CUZD1: variants seen among roughly 807,000 people sequenced by gnomAD.
CUZD1 encodes the protein CUB and zona pellucida like domains 1.
Under a neutral mutation model 53.1 loss-of-function variants are expected in CUZD1, and 42 were observed. That is an observed-to-expected ratio of 0.79 (90% CI 0.62 to 1.02). CUZD1 has a LOEUF of 1.02. CUZD1 is among the 50% of genes least tolerant of loss of function. The pLI, the probability that CUZD1 is intolerant of heterozygous loss-of-function variation, is 0.00. For synonymous variants in CUZD1, 238 were observed against 257.2 expected, an observed-to-expected ratio of 0.93 and a Z score of 0.71; for missense variants, 670 against 715.7, an observed-to-expected ratio of 0.94 and a Z score of 0.73.
In CUZD1 at chr10:122,837,083, C is replaced by T. The variant is rs1847265660; in HGVS notation, c.600-35G>A. On this transcript the variant is annotated intron_variant, in intron 4 of 8. Coordinates refer to ENST00000392790, the MANE Select transcript of CUZD1 (RefSeq NM_022034.6). ...GAGGGCCTCTGGTGAAAAAGAGTTT[C>T]AAACCAATTCAATTCTATTTTCTAA... 22 of 1,398,622 alleles carry T rather than the reference C, an allele frequency of 1.6e-5. No individual in the cohort carries two copies. In the South Asian group the frequency reaches 2.0e-4, roughly 13 times the overall value. The allele number at this position is 1,398,622 out of a possible 1,614,324, so 86.6% of individuals were successfully genotyped here.
rs751150335 is a variant in CUZD1, at chr10:122,845,791, A to C, written c.53T>G (p.Leu18Trp). The change falls in exon 1 of 9, where the codon TTG becomes TGG. Residue 18 changes from leucine to tryptophan, a missense_variant. Leu to Trp is a moderately conservative substitution (Grantham distance 61, BLOSUM62 -2). Coordinates refer to ENST00000392790, the MANE Select transcript of CUZD1 (RefSeq NM_022034.6). ...AGCCTCCGCCATTGTCAGCTCCGCCAAACAGGAGAGAATTAAGAGGGTCAA... is the reference window on the plus strand; with the variant it reads ...AGCCTCCGCCATTGTCAGCTCCGCCCAACAGGAGAGAATTAAGAGGGTCAA... ...MPLTLLILSC[L>W]AELTMAEAEG... The C allele has an allele frequency of 5.0e-6, 8 of 1,614,094 alleles. No individual in the cohort carries two copies. In the Admixed American group the frequency reaches 8.3e-5, roughly 17 times the overall value.
chr10:122,833,089 ACTT>A (rs1336461669), intron 8 of CUZD1, among the ~76,000 whole-genome samples: 3 of 152,168 alleles, frequency 2.0e-5, no homozygotes, highest in Non-Finnish European at 2.9e-5. Context: ...AACTAAAATA[ACTT>A]CTTATAGTTT....
Position 122,834,920 on chromosome 10 carries a change from G to T in CUZD1, c.1168C>A (p.Leu390Met). The T allele has an allele frequency of 6.2e-7, 1 of 1,613,412 alleles. No homozygotes were observed. The highest frequency in any genetic ancestry group is 8.5e-7 in the Non-Finnish European group (1 of 1,179,536). Residue 390 changes from leucine (L) to methionine (M), a missense_variant, in exon 7 of 9, where the codon CTG (leucine) becomes ATG (methionine). By Grantham distance (15) the Leu-to-Met change is conservative. Transcript: ENST00000392790. Reference sequence around the variant, plus strand: ...GCCATGCTGGTGTTATATTTGCCCAGTGCATTTTGACTTTGTATTACATCA... The same window carrying T: ...GCCATGCTGGTGTTATATTTGCCCATTGCATTTTGACTTTGTATTACATCA... ...EDDVIQSQNA[L>M]GKYNTSMALF... is the part of the protein sequence containing the mutation.
chr10:122,833,745 T>A lies in CUZD1; in HGVS notation c.1578A>T (p.Ser526=). The change falls in exon 8 of 9, where the codon TCA becomes TCT. Residue 526 remains serine, a synonymous_variant. Transcript: ENST00000392790. ...TGATGGAATCTGTTTTCCATTTATATGAAGAAATGTCTCGTTTGCTTCTGG... is the reference window on the plus strand; with the variant it reads ...TGATGGAATCTGTTTTCCATTTATAAGAAGAAATGTCTCGTTTGCTTCTGG... ...CVSRSKRDIS[S]YKWKTDSIIG... 3 of 1,614,032 alleles carry A rather than the reference T, an allele frequency of 1.9e-6. No individual in the cohort carries two copies. In the African/African-American group the frequency reaches 4.0e-5, roughly 22 times the overall value.
intron 1 of CUZD1, 152 bp downstream of exon 1, chr10:122,845,610 G>T (rs1287492406): frequency 8.7e-6 from 5 of 577,226 alleles, no homozygotes; most frequent in African/African-American, 7.5e-5. Flanking sequence ...AATAAAATTA[G>T]AACTAATTTA....
chr10:122,845,734 G>A (rs1847428293), intron 1 of CUZD1, 28 bp downstream of exon 1: 1 of 1,602,172 alleles, frequency 6.2e-7, no homozygotes. Flanking sequence ...CTCTGTTTTG[G>A]TGAATAAATC....
chr10:122,845,640 T>C, intron 1 of CUZD1, 122 bp downstream of exon 1: 3 of 662,286 alleles, frequency 4.5e-6, no homozygotes, highest in Non-Finnish European at 7.7e-6. Context: ...CCAAGAGCAT[T>C]AGAGTACATT....
intron 7 of CUZD1, among the ~76,000 whole-genome samples, chr10:122,834,449 ATT>A (rs1007078364): frequency 1.3e-5 from 2 of 152,196 alleles, no homozygotes; most frequent in African/African-American, 2.4e-5. Context: ...CAGAAAATAA[ATT>A]TGTTTCTACC....
intron 1 of CUZD1, 91 bp downstream of exon 1, chr10:122,845,671 C>G (rs1847426219): frequency 4.0e-6 from 4 of 999,424 alleles, no homozygotes; most frequent in Non-Finnish European, 6.0e-6. Flanking sequence ...CTGGGGCCAA[C>G]AGATATAAAC....
intron 1 of CUZD1, among the ~76,000 whole-genome samples, chr10:122,845,046 G>A (rs1386328988): frequency 1.3e-5 from 2 of 150,114 alleles, no homozygotes; most frequent in East Asian, 3.9e-4. Flanking sequence ...TTCTCTTAAT[G>A]TGGTCTATGG....
chr10:122,833,004 CA>C (rs1452387448), intron 8 of CUZD1, among the ~76,000 whole-genome samples: 5 of 152,082 alleles, frequency 3.3e-5, no homozygotes, highest in Non-Finnish European at 7.4e-5. Flanking sequence ...TGCTACAAAC[CA>C]GAACCATACT....
chr10:122,832,345 G>T lies in CUZD1; in HGVS notation c.1757C>A (p.Thr586Lys), dbSNP rs1485882747. Residue 586 changes from threonine to lysine, a missense_variant, in exon 9 of 9, where the codon ACA becomes AAA. By Grantham distance (78) the Thr-to-Lys change is moderately conservative (BLOSUM62 -1). Coordinates refer to ENST00000392790, the MANE Select transcript of CUZD1 (RefSeq NM_022034.6). ...ATTTACAAAATGCCTCACTGTGATT[G>T]TCGCTACAGTCACCACATTCAGAGC... ...VLALNVVTVA[T>K]ITVRHFVNQR... is the part of the protein sequence containing the mutation. The T allele has an allele frequency of 6.2e-7, 1 of 1,614,104 alleles. No homozygotes were observed. Among genetic ancestry groups the T allele is most frequent in the Non-Finnish European group, 8.5e-7 (1 of 1,179,988 alleles).
chr10:122,836,329 T>A lies in CUZD1; in HGVS notation c.839A>T (p.Asp280Val). Reference sequence around the variant, plus strand: ...TTTGCTTATAATAACTCTCATCCTGTCAGAAGAGCAAGTTAAAGATGCTGT... The same window carrying A: ...TTTGCTTATAATAACTCTCATCCTGACAGAAGAGCAAGTTAAAGATGCTGT... ...INTTSLTCSS[D>V]RMRVIISKSY... Residue 280 changes from aspartate (D) to valine (V), a missense_variant, in exon 6 of 9, where the codon GAC becomes GTC. Physicochemically the swap from Asp to Val is radical, Grantham distance 152. Coordinates refer to ENST00000392790, the MANE Select transcript of CUZD1 (RefSeq NM_022034.6). 1 of 1,562,090 alleles carries A rather than the reference T, an allele frequency of 6.4e-7. No homozygotes were observed. Among genetic ancestry groups the A allele is most frequent in the Non-Finnish European group, 8.6e-7 (1 of 1,163,180 alleles).
Position 122,841,199 on chromosome 10 carries a change from C to G in CUZD1, c.212G>C (p.Arg71Thr), listed in dbSNP as rs778246579. 1.2e-6 allele frequency: 2 copies of G among 1,613,502 alleles called. No homozygotes were observed. The highest frequency in any genetic ancestry group is 2.2e-5 in the South Asian group (2 of 90,982). Reference protein sequence around the residue: ...TIERPENKSIRIIFSYVQLDP... With the variant: ...TIERPENKSITIIFSYVQLDP... ...TTACTGGACATAGGAAAAGATAATT[C>G]TGATGCTTTTGTTTTCTGGTCTTTC... The change falls in exon 2 of 9, where the codon AGA becomes ACA. Residue 71 changes from arginine (R) to threonine (T), a missense_variant. Arg to Thr is a moderately conservative substitution (Grantham distance 71, BLOSUM62 -1). Coordinates refer to ENST00000392790, the MANE Select transcript of CUZD1 (RefSeq NM_022034.6).
chr10:122,842,489 G>A (rs1566238060), intron 1 of CUZD1, among the ~76,000 whole-genome samples: 2 of 152,030 alleles, frequency 1.3e-5, no homozygotes, highest in Admixed American at 1.3e-4. Context: ...TATCCTTTTG[G>A]CAAACCACAC....
rs778621800 is a variant in CUZD1, at chr10:122,832,299, G to C, written c.1803C>G (p.Tyr601Ter). The C allele has an allele frequency of 6.2e-7, 1 of 1,614,010 alleles. No individual in the cohort carries two copies. Among genetic ancestry groups the C allele is most frequent in the Non-Finnish European group, 8.5e-7 (1 of 1,179,960 alleles). ...TTAGTTAATAGTTCTGCAGCTTCTG[G>C]TATTTGTAGTCTGCCCGTTGATTTA... ...HFVNQRADYK[Y>*]QKLQNY The change falls in exon 9 of 9, where the codon TAC (tyrosine) becomes TAG (stop). Residue 601 changes from tyrosine (Y) to a stop codon, truncating the protein, a stop_gained. Transcript: ENST00000392790. LOFTEE classifies it high-confidence loss of function.
intron 3 of CUZD1, 96 bp from the exon 4 acceptor site, chr10:122,837,650 G>A (rs1847274791): frequency 1.7e-6 from 2 of 1,180,812 alleles, no homozygotes; most frequent in South Asian, 3.4e-5. Flanking sequence ...TCTCTCCTGA[G>A]TATGATTCCA....
At chr10:122,838,893 C>G (rs1412996077) in intron 3 of CUZD1, 124 bp downstream of exon 3, 3 of 713,988 alleles carry the variant, frequency 4.2e-6, no homozygotes, top group African/African-American at 1.8e-5. Flanking sequence ...AACTACTGCT[C>G]TCTCAGATAG....
intron 8 of CUZD1, among the ~76,000 whole-genome samples, chr10:122,833,319 C>T (rs932608565): frequency 6.6e-6 from 1 of 151,902 alleles, no homozygotes; most frequent in African/African-American, 2.4e-5. Flanking sequence ...TTGTTTTACT[C>T]ATTTAGGAGT....
Sources: allele counts gnomAD v4.1 joint callset (sites outside exome capture counted in the v4.1 genomes callset), GRCh38; gene constraint gnomAD v4.1.1; transcripts MANE v1.5; gene names NCBI Gene and HGNC (gene_info 2026-07-23, HGNC 2026-07-21).